CDH11: variants seen among roughly 807,000 people sequenced by gnomAD.
The protein encoded by CDH11 is cadherin-11.
In CDH11, 11 loss-of-function variants were observed where a neutral mutation model predicts 67.8. The ratio of observed to expected loss-of-function variants is 0.16; its 90% CI spans 0.10 to 0.27. The LOEUF (loss-of-function observed/expected upper bound fraction) is 0.27, where lower values mean the gene tolerates loss of function less well. Ranked by LOEUF, CDH11 falls within the 10% of genes least tolerant of loss-of-function variation. The probability of loss-of-function intolerance (pLI) is 1.00; values close to 1 mark genes in which losing one functional copy is unlikely to be tolerated. For missense variants in CDH11, 847 were observed against 1,031.2 expected, an observed-to-expected ratio of 0.82 and a Z score of 2.45; for synonymous variants, 419 against 400.0, an observed-to-expected ratio of 1.05 and a Z score of -0.57.
At chr16:65,056,270 A>G (rs1389557521) in intron 1 of CDH11, among the ~76,000 whole-genome samples, 1 of 152,186 alleles carries the variant, frequency 6.6e-6, no homozygotes, top group Non-Finnish European at 1.5e-5. Context: ...GGCTGGAGAG[A>G]GAGGTGCCAA....
chr16:65,040,104 G>C (rs535542068), intron 2 of CDH11, among the ~76,000 whole-genome samples: 5 of 152,322 alleles, frequency 3.3e-5, no homozygotes, highest in Admixed American at 2.0e-4. Flanking sequence ...TACACTGTTG[G>C]TGGGACTGTA....
At position 65,093,548 on chromosome 16, in the gene CDH11, C is replaced by T. The variant is rs142870694; in HGVS notation, c.-298+28332G>A. Among the ~76,000 whole-genome samples, 355 of 151,998 alleles carry T rather than the reference C, an allele frequency of 2.3e-3. 2 individuals are homozygous for T. Among genetic ancestry groups the T allele is most frequent in the African/African-American group, 7.8e-3 (323 of 41,442 alleles). ...TACTATTTAATTAGGGATTATTTTT[C>T]GACATGAATTTTGAAGGAGACATGA... On this transcript the variant is annotated intron_variant, in intron 1 of 12. Coordinates refer to ENST00000268603, the MANE Select transcript of CDH11 (RefSeq NM_001797.4).
At chr16:65,017,938 C>A (rs1037513795) in intron 2 of CDH11, among the ~76,000 whole-genome samples, 1 of 152,172 alleles carries the variant, frequency 6.6e-6, no homozygotes, top group Non-Finnish European at 1.5e-5. Context: ...CATGGTAGAA[C>A]TGATTTGCTT....
At chr16:65,092,447 C>A (rs1353356439) in intron 1 of CDH11, among the ~76,000 whole-genome samples, 1 of 152,150 alleles carries the variant, frequency 6.6e-6, no homozygotes, top group South Asian at 2.1e-4. Context: ...GTGCTTTGGG[C>A]CAAACTGATA....
At chr16:64,970,815 C>T (rs981819116) in intron 11 of CDH11, among the ~76,000 whole-genome samples, 1 of 152,176 alleles carries the variant, frequency 6.6e-6, no homozygotes, top group African/African-American at 2.4e-5. Context: ...CACAGGCCTG[C>T]ACCTTCACAA....
At chr16:65,103,130 G>A (rs1442505701) in intron 1 of CDH11, among the ~76,000 whole-genome samples, 1 of 152,094 alleles carries the variant, frequency 6.6e-6, no homozygotes, top group Admixed American at 6.6e-5. Context: ...GCGTTCCATT[G>A]AAACTCTAAA....
At chr16:65,115,313 C>T (rs374569172) in intron 1 of CDH11, among the ~76,000 whole-genome samples, 71 of 152,186 alleles carry the variant, frequency 4.7e-4, no homozygotes, top group Non-Finnish European at 8.7e-4. Flanking sequence ...CTTAAATTTA[C>T]GAAATCATTC....
chr16:65,027,789 A>G (rs2142605227), intron 2 of CDH11, among the ~76,000 whole-genome samples: 1 of 152,272 alleles, frequency 6.6e-6, no homozygotes, highest in Admixed American at 6.5e-5. Context: ...CCAAGGTCTA[A>G]GTTTTCATCC....
At chr16:64,951,508 G>C (rs1450099088) in intron 11 of CDH11, among the ~76,000 whole-genome samples, 3 of 151,680 alleles carry the variant, frequency 2.0e-5, no homozygotes, top group Non-Finnish European at 2.9e-5. Flanking sequence ...ACCGAAAATG[G>C]TGCGGCAGGC....
At chr16:64,994,020 A>G (rs972177499) in intron 4 of CDH11, among the ~76,000 whole-genome samples, 6 of 152,182 alleles carry the variant, frequency 3.9e-5, no homozygotes, top group African/African-American at 7.2e-5. Flanking sequence ...ACCCCAATCC[A>G]GCACACAACA....
chr16:64,954,296 A>C (rs1430254292), intron 11 of CDH11, among the ~76,000 whole-genome samples: 1 of 152,224 alleles, frequency 6.6e-6, no homozygotes, highest in African/African-American at 2.4e-5. Flanking sequence ...CATGCTTCAC[A>C]TATAGATTTT....
At chr16:65,123,608 G>A (rs975965371), upstream of CDH11, 6 of 152,238 alleles carry the variant, frequency 3.9e-5, no homozygotes, top group African/African-American at 1.4e-4. Context: ...CAGCCGCCCG[G>A]GTTTCCACAC....
intron 3 of CDH11, among the ~76,000 whole-genome samples, chr16:65,001,288 T>C (rs1291657866): frequency 3.3e-5 from 5 of 152,238 alleles, no homozygotes; most frequent in African/African-American, 1.2e-4. Context: ...CTAACACATT[T>C]CTGATGAATA....
At chr16:65,072,699 G>A (rs1440509569) in intron 1 of CDH11, among the ~76,000 whole-genome samples, 2 of 152,186 alleles carry the variant, frequency 1.3e-5, no homozygotes, top group Non-Finnish European at 1.5e-5. Context: ...GCATGAAATT[G>A]CTTTAGAACT....
chr16:64,998,477 C>T, intron 4 of CDH11, 85 bp downstream of exon 4: 1 of 1,278,786 alleles, frequency 7.8e-7, no homozygotes, highest in South Asian at 1.4e-5. Context: ...AGCTCTACTT[C>T]CTGATTTGGG....
intron 1 of CDH11, among the ~76,000 whole-genome samples, chr16:65,084,765 T>G (rs2074668443): frequency 6.6e-6 from 1 of 152,190 alleles, no homozygotes; most frequent in Non-Finnish European, 1.5e-5. Flanking sequence ...GTTTAAAATA[T>G]TAATCACAAA....
intron 1 of CDH11, among the ~76,000 whole-genome samples, chr16:65,071,195 G>A (rs143961510): frequency 6.6e-6 from 1 of 152,286 alleles, no homozygotes; most frequent in East Asian, 1.9e-4. Context: ...GAAAATGAAA[G>A]GAGGTCAAGG....
intron 7 of CDH11, among the ~76,000 whole-genome samples, chr16:64,984,514 C>G (rs2072435759): frequency 6.6e-6 from 1 of 152,158 alleles, no homozygotes; most frequent in South Asian, 2.1e-4. Flanking sequence ...TGAGGCAACA[C>G]ATTGCATAAG....
intron 1 of CDH11, among the ~76,000 whole-genome samples, chr16:65,120,879 G>C (rs961901844): frequency 2.0e-5 from 3 of 152,200 alleles, no homozygotes; most frequent in African/African-American, 7.2e-5. Context: ...CACAGCGTGA[G>C]GCGGGCCCTC....
Sources: gnomAD v4.1 joint callset for allele counts (sites outside exome capture counted in the v4.1 genomes callset) on GRCh38, gnomAD v4.1.1 for gene constraint, MANE v1.5 for transcripts, NCBI Gene and HGNC (gene_info 2026-07-23, HGNC 2026-07-21) for gene names.